The following CEP128 variants were observed in gnomAD, a reference collection of about 807,000 sequenced individuals.
CEP128 encodes the protein centrosomal protein 128kDa.
A neutral mutation model predicts 156.7 loss-of-function variants in CEP128; 132 were observed. That is an observed-to-expected ratio of 0.84 (90% CI 0.73 to 0.97). The LOEUF is 0.97. CEP128 is among the 50% of genes least tolerant of loss of function. The pLI is 0.00. For synonymous variants in CEP128, 469 were observed against 448.9 expected (o/e 1.04, Z -0.57); for missense variants, 1,252 against 1,281.9 (o/e 0.98, Z 0.36).
intron 19 of CEP128, among the ~76,000 whole-genome samples, chr14:80,659,866 A>T (rs1895325184): frequency 6.6e-6 from 1 of 152,052 alleles, no homozygotes; most frequent in South Asian, 2.1e-4. Context: ...ACAATTTCTC[A>T]ATTATCATGA....
chr14:80,631,997 C>T (rs986273665), intron 19 of CEP128, among the ~76,000 whole-genome samples: 1 of 151,988 alleles, frequency 6.6e-6, no homozygotes, highest in African/African-American at 2.4e-5. Context: ...ACTCTAAAGT[C>T]CATATTACTA....
chr14:80,554,215 G>A (rs1422231088), intron 21 of CEP128, among the ~76,000 whole-genome samples: 3 of 152,000 alleles, frequency 2.0e-5, no homozygotes, highest in Non-Finnish European at 4.4e-5. Flanking sequence ...CTGAACTGCT[G>A]GAACAAACTC....
At chr14:80,826,621 C>T (rs896308791) in intron 13 of CEP128, among the ~76,000 whole-genome samples, 1 of 151,900 alleles carries the variant, frequency 6.6e-6, no homozygotes, top group Non-Finnish European at 1.5e-5. Context: ...ATTGATTATC[C>T]TTTCTTTTTT....
intron 16 of CEP128, among the ~76,000 whole-genome samples, chr14:80,771,807 A>G (rs181921664): frequency 8.5e-5 from 13 of 152,336 alleles, no homozygotes; most frequent in African/African-American, 2.9e-4. Context: ...CAGTGTCTCC[A>G]ATTAACACTG....
At chr14:80,610,856 G>T (rs866013306) in intron 19 of CEP128, among the ~76,000 whole-genome samples, 3 of 152,122 alleles carry the variant, frequency 2.0e-5, no homozygotes, top group South Asian at 2.1e-4. Flanking sequence ...TATTAAAAAA[G>T]AACGAGGAAG....
chr14:80,595,393 GC>G (rs909340374), intron 19 of CEP128, among the ~76,000 whole-genome samples: 70 of 152,224 alleles, frequency 4.6e-4, no homozygotes, highest in African/African-American at 1.7e-3. Context: ...GATGGGTGCA[GC>G]AAACCACCAT....
rs1364059788 is a variant in CEP128 at position 80,801,921 on chromosome 14, A to C, written c.1210-8811T>G. On this transcript the variant is annotated intron_variant, in intron 13 of 24. Coordinates refer to ENST00000555265, the MANE Select transcript of CEP128 (RefSeq NM_152446.5). The stretch of plus-strand genomic sequence containing the variant: ...AGACTCTGTCTCCCCAAAAAAAAAA[A>C]AAAAAAAAAAAAAAAAGCTCAACAT... Among the ~76,000 whole-genome samples the C allele has an allele frequency of 2.7e-5, 4 of 147,242 alleles. No homozygotes were observed. The East Asian group carries it at 7.8e-4, about 29-fold the overall frequency.
At chr14:80,700,002 AG>A (rs1484923839) in intron 19 of CEP128, among the ~76,000 whole-genome samples, 1 of 152,184 alleles carries the variant, frequency 6.6e-6, no homozygotes, top group Non-Finnish European at 1.5e-5. Flanking sequence ...GGTGCTTCTA[AG>A]AACACGGAGG....
chr14:80,771,899 G>A (rs1290609252), intron 16 of CEP128, among the ~76,000 whole-genome samples: 1 of 152,168 alleles, frequency 6.6e-6, no homozygotes, highest in East Asian at 1.9e-4. Flanking sequence ...TTCTACCCAA[G>A]GATAGCTGGG....
intron 4 of CEP128, among the ~76,000 whole-genome samples, chr14:80,913,864 A>G (rs1884393170): frequency 6.6e-6 from 1 of 152,222 alleles, no homozygotes; most frequent in Admixed American, 6.5e-5. Flanking sequence ...CCCAGACTTC[A>G]TCACTATACA....
intron 6 of CEP128, among the ~76,000 whole-genome samples, chr14:80,900,876 A>G (rs1417481739): frequency 6.6e-6 from 1 of 152,226 alleles, no homozygotes; most frequent in Non-Finnish European, 1.5e-5. Flanking sequence ...TGAAGTCAGG[A>G]CAGTGGATAC....
At chr14:80,869,283 T>C (rs558724530) in intron 8 of CEP128, among the ~76,000 whole-genome samples, 1 of 152,102 alleles carries the variant, frequency 6.6e-6, no homozygotes, top group East Asian at 1.9e-4. Context: ...CACAGTGGTA[T>C]AAAACTAGAT....
intron 2 of CEP128, among the ~76,000 whole-genome samples, chr14:80,924,699 C>T (rs924387038): frequency 6.6e-6 from 1 of 151,768 alleles, no homozygotes; most frequent in African/African-American, 2.4e-5. Flanking sequence ...GGAAGTTCTG[C>T]CCTCGTCTGA....
chr14:80,761,359 C>T, intron 17 of CEP128, 78 bp downstream of exon 17: 2 of 1,101,278 alleles, frequency 1.8e-6, no homozygotes, highest in Non-Finnish European at 2.6e-6. Flanking sequence ...ATCTGACTAC[C>T]ACACATGAAA....
At chr14:80,945,302 T>C (rs1886313724), upstream of CEP128, among the ~76,000 whole-genome samples, 1 of 152,186 alleles carries the variant, frequency 6.6e-6, no homozygotes, top group Non-Finnish European at 1.5e-5. Context: ...ATAGCCTAAT[T>C]TAAACTTAAC....
intron 21 of CEP128, among the ~76,000 whole-genome samples, chr14:80,558,258 T>C (rs1530770): frequency 0.57 from 86,156 of 151,640 alleles, 24,828 homozygotes; most frequent in East Asian, 0.72. Context: ...CCATACTCTA[T>C]AAAACCATAA....
At chr14:80,629,920 T>C (rs189011802) in intron 19 of CEP128, among the ~76,000 whole-genome samples, 29 of 152,154 alleles carry the variant, frequency 1.9e-4, no homozygotes, top group Admixed American at 1.8e-3. Flanking sequence ...ATTGAATGTA[T>C]ATAAGTCATG....
At chr14:80,503,609 T>C (rs1342544033) in intron 24 of CEP128, among the ~76,000 whole-genome samples, 4 of 152,204 alleles carry the variant, frequency 2.6e-5, no homozygotes, top group African/African-American at 7.2e-5. Flanking sequence ...TGGGACACTG[T>C]GATGTTTCAT....
intron 2 of CEP128, among the ~76,000 whole-genome samples, chr14:80,935,993 A>G (rs949114363): frequency 3.9e-5 from 6 of 152,322 alleles, no homozygotes; most frequent in Non-Finnish European, 7.4e-5. Flanking sequence ...TCTATTCCAT[A>G]ACCAAAACCT....
Sources: allele counts gnomAD v4.1 joint callset (sites outside exome capture counted in the v4.1 genomes callset), GRCh38; gene constraint gnomAD v4.1.1; transcripts MANE v1.5; gene names NCBI Gene and HGNC (gene_info 2026-07-23, HGNC 2026-07-21).